The following TCOF1 variants were observed in gnomAD, a reference collection of about 807,000 sequenced individuals.
The protein encoded by TCOF1 is treacle ribosome biogenesis factor 1.
TCOF1 carries 33 observed loss-of-function variants against 149.0 expected under a neutral mutation model. That is an observed-to-expected ratio of 0.22 (90% confidence interval 0.17 to 0.30). The LOEUF (loss-of-function observed/expected upper bound fraction) is 0.30, where lower values mean the gene tolerates loss of function less well. Ranked by LOEUF, TCOF1 falls within the 10% of genes least tolerant of loss-of-function variation. TCOF1 has a pLI of 1.00. For missense variants in TCOF1, 1,728 were observed against 1,840.7 expected (o/e 0.94, Z 1.12); for synonymous variants, 789 against 738.8 (o/e 1.07, Z -1.10).
chr5:150,397,151 G>A (rs1275791019), intron 24 of TCOF1, among the ~76,000 whole-genome samples: 1 of 15,738 alleles, frequency 6.4e-5, no homozygotes, highest in African/African-American at 2.1e-4. Flanking sequence ...GAGCAAGACT[G>A]TCAAAAAAAA....
intron 7 of TCOF1, among the ~76,000 whole-genome samples, chr5:150,373,408 C>T (rs917442989): frequency 6.6e-6 from 1 of 152,200 alleles, no homozygotes; most frequent in African/African-American, 2.4e-5. Context: ...AAGGAGCTAG[C>T]CAAGCAAGAC....
intron 17 of TCOF1, among the ~76,000 whole-genome samples, chr5:150,385,489 C>G (rs1766090669): frequency 6.6e-6 from 1 of 152,180 alleles, no homozygotes; most frequent in Admixed American, 6.5e-5. Context: ...GGCCACATCC[C>G]CAGAGAGTAG....
In TCOF1 at chr5:150,398,318, A is replaced by G. The variant is rs557561091; in HGVS notation, c.4346-36A>G. On this transcript the variant is annotated intron_variant, in intron 24 of 26. Coordinates refer to ENST00000643257, the MANE Select transcript of TCOF1 (RefSeq NM_001371623.1). Reference sequence around the variant, plus strand: ...ATTGACCCCAGCACTTAGGATTACCATCTGTTGTTCAGGAACTTTACTTTA... The same window carrying G: ...ATTGACCCCAGCACTTAGGATTACCGTCTGTTGTTCAGGAACTTTACTTTA... 29 of 1,612,402 alleles carry G rather than the reference A, an allele frequency of 1.8e-5. No homozygotes were observed. The African/African-American group carries it at 2.4e-4, about 13-fold the overall frequency.
chr5:150,386,169 ACCTC>A (rs1766252908), intron 17 of TCOF1, among the ~76,000 whole-genome samples: 1 of 151,512 alleles, frequency 6.6e-6, no homozygotes, highest in Admixed American at 6.6e-5. Context: ...CCCCTGCACC[ACCTC>A]CCTCCTACGG....
chr5:150,363,222 A>T (rs1302161140), intron 2 of TCOF1, among the ~76,000 whole-genome samples: 2 of 152,160 alleles, frequency 1.3e-5, no homozygotes, highest in Non-Finnish European at 2.9e-5. Flanking sequence ...TTGTTGGGGG[A>T]AAAGAGGCAG....
At chr5:150,389,404 A>C (rs1336750623) in intron 18 of TCOF1, among the ~76,000 whole-genome samples, 1 of 152,236 alleles carries the variant, frequency 6.6e-6, no homozygotes, top group Non-Finnish European at 1.5e-5. Flanking sequence ...TTGGGTGGAC[A>C]TGCTACAGTG....
rs200424706 is a variant in TCOF1, at chr5:150,392,097, T to C, written c.3438T>C (p.Ser1146=). Reference sequence around the variant, plus strand: ...AAGCCCCTGAGAGCTCAGATGACAGTGAGGACAGCAGCGACAGTTCTTCAG... The same window carrying C: ...AAGCCCCTGAGAGCTCAGATGACAGCGAGGACAGCAGCGACAGTTCTTCAG... The part of the protein sequence containing the change: ...ATKAPESSDD[S]EDSSDSSSGS... The change falls in exon 21 of 27, where the codon AGT becomes AGC. Residue 1146 remains serine (S), a synonymous_variant. Coordinates refer to ENST00000643257, the MANE Select transcript of TCOF1 (RefSeq NM_001371623.1). 11 of 1,614,070 alleles carry C rather than the reference T, an allele frequency of 6.8e-6. No individual in the cohort carries two copies. The highest frequency in any genetic ancestry group is 9.3e-6 in the Non-Finnish European group (11 of 1,180,010).
chr5:150,379,475 G>A (rs1361033609), intron 16 of TCOF1, 57 bp from the exon 17 acceptor site: 2 of 1,614,114 alleles, frequency 1.2e-6, no homozygotes, highest in East Asian at 4.5e-5. Flanking sequence ...TCCAGCTCCT[G>A]TCTTCTCACA....
At chr5:150,368,202 A>G (rs1056709868) in intron 4 of TCOF1, 1 of 449,708 alleles carries the variant, frequency 2.2e-6, no homozygotes, top group Non-Finnish European at 4.1e-6. Flanking sequence ...TCACCCGTTC[A>G]CTCAACAGAT....
intron 4 of TCOF1, 149 bp from the exon 5 acceptor site, chr5:150,368,567 C>T: frequency 1.2e-6 from 1 of 859,056 alleles, no homozygotes; most frequent in Non-Finnish European, 1.9e-6. Flanking sequence ...TTTTTAACCT[C>T]ACTTTAAAGA....
rs537780577 is a variant in TCOF1, at chr5:150,379,128, G to A, written c.2478+86G>A. On this transcript the variant is annotated intron_variant, in intron 15 of 26. Transcript: ENST00000643257. ...ACTGAGCCCAGCCAGGAGAAGGTGC[G>A]TGCATGGGCAGGCCACCCACCCAGA... 43 of 1,613,862 alleles carry A rather than the reference G, an allele frequency of 2.7e-5. No individual in the cohort carries two copies. The Admixed American group carries it at 4.0e-4, about 15-fold the overall frequency.
chr5:150,368,696 G>T lies in TCOF1; in HGVS notation c.379-20G>T, dbSNP rs767536640. The T allele has an allele frequency of 1.2e-6, 2 of 1,613,878 alleles. No individual in the cohort carries two copies. Among genetic ancestry groups the T allele is most frequent in the Admixed American group, 3.3e-5 (2 of 60,026 alleles). ...TCACCATGCCATACCAGATGTGTCTGTCACTCTTGTTCTCTGTAGGCAGAG... is the reference window on the plus strand; with the variant it reads ...TCACCATGCCATACCAGATGTGTCTTTCACTCTTGTTCTCTGTAGGCAGAG... On this transcript the variant is annotated intron_variant, in intron 4 of 26. Coordinates refer to ENST00000643257, the MANE Select transcript of TCOF1 (RefSeq NM_001371623.1).
chr5:150,374,741 C>T lies in TCOF1; in HGVS notation c.1208C>T (p.Ala403Val), dbSNP rs773162787. ...KTGPAVAKAQ[A>V]GKREEDSQSS... ...GGGCCTGCAGTTGCCAAGGCCCAGG[C>T]GGGGAAGCGGGAGGAGGACTCGCAG... Residue 403 changes from alanine to valine, a missense_variant, in exon 9 of 27, where the codon GCG becomes GTG. Around this residue, in one of 2 missense-constraint regions of TCOF1, gnomAD observed 1,696 missense variants for 1,765.4 expected, o/e 0.96. Transcript: ENST00000643257. 4.5e-5 allele frequency: 73 copies of T among 1,611,776 alleles called. No individual in the cohort carries two copies. The highest frequency in any genetic ancestry group is 5.9e-5 in the Non-Finnish European group (70 of 1,179,422).
At chr5:150,395,649 G>A (rs1023399773) in intron 23 of TCOF1, among the ~76,000 whole-genome samples, 2 of 152,040 alleles carry the variant, frequency 1.3e-5, no homozygotes. Context: ...CAGTAAACCT[G>A]CTTAGTCAGC....
At chr5:150,372,375 G>C in intron 7 of TCOF1, 139 bp downstream of exon 7, 1 of 743,198 alleles carries the variant, frequency 1.3e-6, no homozygotes, top group East Asian at 2.7e-5. Context: ...AGAACAGCCT[G>C]CTTCCCACAG....
chr5:150,398,885 G>A (rs1001739131), intron 25 of TCOF1, 137 bp from the exon 26 acceptor site: 3 of 1,206,900 alleles, frequency 2.5e-6, no homozygotes, highest in Non-Finnish European at 3.6e-6. Flanking sequence ...CTGAACATCT[G>A]TTTGCCTCTG....
rs565589557 is a variant in TCOF1 at position 150,371,872 on chromosome 5, G to C, written c.640-134G>C. 6.5e-4 allele frequency: 516 copies of C among 794,476 alleles called. 5 individuals carry two copies. In the South Asian group the frequency reaches 7.0e-3, roughly 11 times the overall value. 49.2% of individuals were successfully genotyped at this position (794,476 alleles called of 1,614,324 possible). On this transcript the variant is annotated intron_variant, in intron 6 of 26. Coordinates refer to ENST00000643257, the MANE Select transcript of TCOF1 (RefSeq NM_001371623.1). ...CTGGAAAATGGATCTAAAGCTAATA[G>C]CCGTCTCAGGGAGTTGCTTAAAAAT...
At chr5:150,390,997 A>G (rs1767311398) in intron 19 of TCOF1, among the ~76,000 whole-genome samples, 1 of 152,220 alleles carries the variant, frequency 6.6e-6, no homozygotes, top group African/African-American at 2.4e-5. Context: ...CTCCTGAGAC[A>G]GCGATGCTTA....
intron 17 of TCOF1, chr5:150,380,557 C>T (rs1764926706): frequency 6.6e-6 from 1 of 152,264 alleles, no homozygotes; most frequent in African/African-American, 2.4e-5. Flanking sequence ...AAGCCTGGAC[C>T]CTGGAGAGTG....
Sources: allele counts gnomAD v4.1 joint callset (sites outside exome capture counted in the v4.1 genomes callset), GRCh38; gene constraint gnomAD v4.1.1; regional missense constraint gnomAD v4.1.1; transcripts MANE v1.5; gene names NCBI Gene and HGNC (gene_info 2026-07-23, HGNC 2026-07-21).